Variants in MCPH1 observed in about 807,000 individuals in gnomAD.
MCPH1 encodes the protein microcephalin 1.
In MCPH1, 104 loss-of-function variants were observed where a neutral mutation model predicts 84.5. The observed-to-expected ratio is 1.23, with a 90% confidence interval of 1.05 to 1.45. The LOEUF is 1.45. Among genes scored for constraint, MCPH1 ranks in the 40% most tolerant of loss-of-function variants. MCPH1 has a pLI of 0.00. For synonymous variants in MCPH1, 514 were observed against 366.8 expected, an observed-to-expected ratio of 1.40 and a Z score of -4.58; for missense variants, 1,498 against 1,005.7, an observed-to-expected ratio of 1.49 and a Z score of -6.62.
intron 12 of MCPH1, among the ~76,000 whole-genome samples, chr8:6,587,602 C>T (rs1828100962): frequency 6.6e-6 from 1 of 152,148 alleles, no homozygotes; most frequent in African/African-American, 2.4e-5. Flanking sequence ...AGCTATAAAT[C>T]ACTTGGTAAT....
intron 11 of MCPH1, among the ~76,000 whole-genome samples, chr8:6,491,591 C>T (rs1013544736): frequency 1.7e-4 from 26 of 151,950 alleles, no homozygotes; most frequent in Admixed American, 1.0e-3. Flanking sequence ...CGTCATTTAG[C>T]ATTAGGTATA....
intron 13 of MCPH1, among the ~76,000 whole-genome samples, chr8:6,623,978 G>T (rs1038360895): frequency 6.6e-6 from 1 of 152,226 alleles, no homozygotes; most frequent in Non-Finnish European, 1.5e-5. Context: ...TTTGCAAAGC[G>T]TGTGCCGTGC....
At chr8:6,438,478 A>T (rs74470250) in intron 5 of MCPH1, among the ~76,000 whole-genome samples, 1 of 152,084 alleles carries the variant, frequency 6.6e-6, no homozygotes, top group African/African-American at 2.4e-5. Context: ...TCATAACTTC[A>T]TGGTTCCGGG....
chr8:6,435,373 A>T (rs556538183), intron 4 of MCPH1, among the ~76,000 whole-genome samples: 3 of 152,284 alleles, frequency 2.0e-5, no homozygotes, highest in Non-Finnish European at 4.4e-5. Flanking sequence ...GCAAGGAGAC[A>T]GGAGGAAACT....
chr8:6,414,667 G>A, intron 2 of MCPH1, 98 bp from the exon 3 acceptor site: 1 of 1,351,878 alleles, frequency 7.4e-7, no homozygotes, highest in Non-Finnish European at 1.0e-6. Flanking sequence ...GTCAGATGTT[G>A]AGAAACAGAA....
chr8:6,463,026 T>A (rs1806456503), intron 9 of MCPH1, among the ~76,000 whole-genome samples: 1 of 152,190 alleles, frequency 6.6e-6, no homozygotes, highest in South Asian at 2.1e-4. Context: ...ACACTGTGTT[T>A]CTTGTTGGAC....
At chr8:6,407,139 C>T in intron 1 of MCPH1, 1 of 239,000 alleles carries the variant, frequency 4.2e-6, no homozygotes, top group Non-Finnish European at 8.3e-6. Flanking sequence ...CAGGCAGAGT[C>T]CTGCCCTCCG....
At chr8:6,461,580 T>C (rs1806302836) in intron 9 of MCPH1, among the ~76,000 whole-genome samples, 2 of 152,094 alleles carry the variant, frequency 1.3e-5, no homozygotes, top group Admixed American at 1.3e-4. Context: ...CCTCAAGTGA[T>C]GTGCCCGCCT....
At chr8:6,575,660 C>G (rs773278048) in intron 12 of MCPH1, among the ~76,000 whole-genome samples, 3 of 152,196 alleles carry the variant, frequency 2.0e-5, no homozygotes, top group African/African-American at 7.2e-5. Flanking sequence ...ACGTGACCGT[C>G]TTCGGAAGTA....
chr8:6,637,078 C>T (rs1421245131), intron 13 of MCPH1, among the ~76,000 whole-genome samples: 2 of 152,234 alleles, frequency 1.3e-5, no homozygotes, highest in Non-Finnish European at 2.9e-5. Flanking sequence ...TTTCTTCAAA[C>T]AACACATGGT....
chr8:6,626,657 C>G, intron 13 of MCPH1: 1 of 984,978 alleles, frequency 1.0e-6, no homozygotes, highest in African/African-American at 1.7e-5. Flanking sequence ...TTCCCCCCAA[C>G]ACTCCCATGA....
intron 12 of MCPH1, among the ~76,000 whole-genome samples, chr8:6,568,814 G>C (rs1345071936): frequency 6.6e-6 from 1 of 152,204 alleles, no homozygotes; most frequent in Admixed American, 6.5e-5. Flanking sequence ...TCCTCCCACT[G>C]CCCCTGCCTG....
At chr8:6,433,470 T>C (rs945272122) in intron 4 of MCPH1, among the ~76,000 whole-genome samples, 1 of 151,636 alleles carries the variant, frequency 6.6e-6, no homozygotes, top group Non-Finnish European at 1.5e-5. Context: ...CCATCTCTAC[T>C]AAAAATACAA....
intron 9 of MCPH1, among the ~76,000 whole-genome samples, chr8:6,471,765 G>C (rs1195079753): frequency 6.6e-6 from 1 of 152,270 alleles, no homozygotes; most frequent in East Asian, 1.9e-4. Flanking sequence ...TAAGAAGCCT[G>C]TACCCAAAAG....
intron 13 of MCPH1, chr8:6,626,545 G>A (rs1231842381): frequency 2.0e-6 from 2 of 983,238 alleles, no homozygotes; most frequent in African/African-American, 3.5e-5. Context: ...AAATAAACGG[G>A]AAAACAAAAA....
intron 6 of MCPH1, among the ~76,000 whole-genome samples, chr8:6,440,105 C>A (rs1228196936): frequency 6.6e-6 from 1 of 152,032 alleles, no homozygotes; most frequent in African/African-American, 2.4e-5. Flanking sequence ...TGTTGTAGAC[C>A]TATTTTTGTT....
chr8:6,496,342 C>T lies in MCPH1; in HGVS notation c.2137-3510C>T, dbSNP rs576205499. ...GGTGGAGCTCAGGTGGTAATTAAAGCAATGGGAAGTGGCTGTAAATACAGA... is the reference window on the plus strand; with the variant it reads ...GGTGGAGCTCAGGTGGTAATTAAAGTAATGGGAAGTGGCTGTAAATACAGA... On this transcript the variant is annotated intron_variant, in intron 11 of 13. Coordinates refer to ENST00000344683, the MANE Select transcript of MCPH1 (RefSeq NM_024596.5). Among the ~76,000 whole-genome samples the T allele has an allele frequency of 1.8e-4, 27 of 152,208 alleles. No individual in the cohort carries two copies. The South Asian group carries it at 5.6e-3, about 32-fold the overall frequency.
intron 12 of MCPH1, among the ~76,000 whole-genome samples, chr8:6,569,541 G>C (rs561355051): frequency 2.6e-5 from 4 of 152,162 alleles, no homozygotes; most frequent in Non-Finnish European, 5.9e-5. Context: ...CGTAAAGACA[G>C]AAGAAAAGGA....
intron 12 of MCPH1, among the ~76,000 whole-genome samples, chr8:6,528,829 A>C (rs754622456): frequency 6.6e-6 from 1 of 152,242 alleles, no homozygotes; most frequent in Non-Finnish European, 1.5e-5. Flanking sequence ...TGGCTGGTCC[A>C]CAGCGTGGGT....
Sources: allele counts gnomAD v4.1 joint callset (sites outside exome capture counted in the v4.1 genomes callset), GRCh38; gene constraint gnomAD v4.1.1; transcripts MANE v1.5; gene names NCBI Gene and HGNC (gene_info 2026-07-23, HGNC 2026-07-21).